STAG3: variants seen among roughly 807,000 people sequenced by gnomAD.
STAG3 encodes STAG3 cohesin complex component, also known as cohesin subunit SA-3.
STAG3 carries 101 observed loss-of-function variants against 160.7 expected under a neutral mutation model. That is an observed-to-expected ratio of 0.63 (90% confidence interval 0.54 to 0.74). The LOEUF is 0.74. STAG3 is among the 30% of genes least tolerant of loss of function. The pLI is 0.00. For synonymous variants in STAG3, 519 were observed against 585.0 expected (o/e 0.89, Z 1.63); for missense variants, 1,188 against 1,517.4 (o/e 0.78, Z 3.61).
rs35125400 is a variant in STAG3, at chr7:100,187,392, C to CT, written c.434-1048dup. Among the ~76,000 whole-genome samples, 316 of 145,922 alleles carry CT rather than the reference C, an allele frequency of 2.2e-3. 2 individuals are homozygous for CT. The highest frequency in any genetic ancestry group is 6.4e-3 in the African/African-American group (253 of 39,610). ...TTGGCAGTTTTTCACTGCTTGATTCCTTTTTTTTTTTTTGAAACAAATCCT... is the reference window on the plus strand; with the variant it reads ...TTGGCAGTTTTTCACTGCTTGATTCCTTTTTTTTTTTTTTGAAACAAATCCT... On this transcript the variant is annotated intron_variant, in intron 5 of 33. Coordinates refer to ENST00000615138, the MANE Select transcript of STAG3 (RefSeq NM_001282717.2).
downstream of STAG3, chr7:100,215,221 TTC>T (rs1176188100): frequency 6.6e-6 from 1 of 152,220 alleles, no homozygotes; most frequent in African/African-American, 2.4e-5. Flanking sequence ...TAGTGACAGG[TTC>T]TCACTGTGGT....
At chr7:100,211,315 C>T in intron 30 of STAG3, 120 bp from the exon 31 acceptor site, 1 of 1,475,936 alleles carries the variant, frequency 6.8e-7, no homozygotes, top group Non-Finnish European at 9.3e-7. Context: ...TCAAACCCTT[C>T]TCCATTGTTT....
rs192005249 is a variant in STAG3 at position 100,185,909 on chromosome 7, A to G, written c.337-291A>G. 5.9e-5 allele frequency among the ~76,000 whole-genome samples: 9 copies of G among 152,242 alleles called. No individual in the cohort carries two copies. In the East Asian group the frequency reaches 1.2e-3, roughly 20 times the overall value. On this transcript the variant is annotated intron_variant, in intron 4 of 33. Coordinates refer to ENST00000615138, the MANE Select transcript of STAG3 (RefSeq NM_001282717.2). ...TCGTCTTGGAAAAAGCTTAGGCTCTACCTCCTGTGCTCTGCATTCCATGCA... is the reference window on the plus strand; with the variant it reads ...TCGTCTTGGAAAAAGCTTAGGCTCTGCCTCCTGTGCTCTGCATTCCATGCA...
Position 100,188,858 on chromosome 7 carries a change from A to C in STAG3, c.557A>C (p.Lys186Thr). ...ATAGCTCCAGGTCCATCCTGGAAGAAGTTCCAGGGCAGCTTCTGTGAATTT... is the reference window on the plus strand; with the variant it reads ...ATAGCTCCAGGTCCATCCTGGAAGACGTTCCAGGGCAGCTTCTGTGAATTT... ...PLIAPGPSWK[K>T]FQGSFCEFVR... The change falls in exon 7 of 34, where the codon AAG becomes ACG. Residue 186 changes from lysine (K) to threonine (T), a missense_variant. Physicochemically the swap from Lys to Thr is moderately conservative, Grantham distance 78. Transcript: ENST00000615138. The C allele has an allele frequency of 1.9e-6, 3 of 1,614,158 alleles. No individual in the cohort carries two copies. The highest frequency in any genetic ancestry group is 2.5e-6 in the Non-Finnish European group (3 of 1,180,036).
rs749018546 is a variant in STAG3 at position 100,205,354 on chromosome 7, C to T, written c.3208C>T (p.Leu1070Phe). ...CACAGCAGAGACCAGCCCTCAGGTCCTCCCCAGCTCCAAGAGGAGGCGCGT... is the reference window on the plus strand; with the variant it reads ...CACAGCAGAGACCAGCCCTCAGGTCTTCCCCAGCTCCAAGAGGAGGCGCGT... ...ENTAETSPQV[L>F]PSSKRRRVEG... The change falls in exon 29 of 34, where the codon CTC becomes TTC. Residue 1070 changes from leucine (L) to phenylalanine (F), a missense_variant. Coordinates refer to ENST00000615138, the MANE Select transcript of STAG3 (RefSeq NM_001282717.2). 21 of 1,613,914 alleles carry T rather than the reference C, an allele frequency of 1.3e-5. No homozygotes were observed. The highest frequency in any genetic ancestry group is 1.7e-5 in the Non-Finnish European group (20 of 1,179,940).
chr7:100,183,575 T>C (rs942913747), intron 4 of STAG3, among the ~76,000 whole-genome samples: 2 of 152,242 alleles, frequency 1.3e-5, no homozygotes, highest in African/African-American at 4.8e-5. Context: ...AAAATAAAAA[T>C]GAAATGATTA....
downstream of STAG3, among the ~76,000 whole-genome samples, chr7:100,216,389 T>A (rs571983370): frequency 6.6e-6 from 1 of 152,366 alleles, no homozygotes; most frequent in Admixed American, 6.5e-5. Context: ...ATAAGTGTTT[T>A]AAAATATTTC....
chr7:100,178,428 T>A (rs1799414902), intron 1 of STAG3, among the ~76,000 whole-genome samples: 1 of 152,018 alleles, frequency 6.6e-6, no homozygotes, highest in South Asian at 2.1e-4. Context: ...CCTGGGGTCT[T>A]CTTGTATTTT....
rs888543000 is a variant in STAG3, at chr7:100,182,528, CT to C, written c.220-186del. ...GAGATACAGGAAGGGGACTCAAGGA[CT>C]TTTTTTTTAAGGGAAAAAAATAAAC... On this transcript the variant is annotated intron_variant, in intron 3 of 33. Coordinates refer to ENST00000615138, the MANE Select transcript of STAG3 (RefSeq NM_001282717.2). 3.8e-3 allele frequency among the ~76,000 whole-genome samples: 567 copies of C among 150,270 alleles called. 1 individual carries two copies. The highest frequency in any genetic ancestry group is 0.024 in the Middle Eastern group (7 of 292).
rs1800844967 is a variant in STAG3 at position 100,198,579 on chromosome 7, G to A, written c.1349G>A (p.Trp450Ter). 6.2e-7 allele frequency: 1 copy of A among 1,613,100 alleles called. No homozygotes were observed. The highest frequency in any genetic ancestry group is 1.3e-5 in the African/African-American group (1 of 75,018). The change falls in exon 13 of 34, where the codon TGG becomes TAG. Residue 450 changes from tryptophan to a stop codon, truncating the protein, a stop_gained. Coordinates refer to ENST00000615138, the MANE Select transcript of STAG3 (RefSeq NM_001282717.2). LOFTEE classifies it high-confidence loss of function. Reference protein sequence around the residue: ...LASAAGEFLYWKLFYPECEIR... With the variant: ...LASAAGEFLY Reference sequence around the variant, plus strand: ...TCTGCCGCAGGCGAATTTCTGTACTGGAAGTGAGTGGGGCTCCTTTTATGT... The same window carrying A: ...TCTGCCGCAGGCGAATTTCTGTACTAGAAGTGAGTGGGGCTCCTTTTATGT...
In STAG3 at chr7:100,202,556, A is replaced by T; in HGVS notation, c.2666A>T (p.Asp889Val). 6.2e-7 allele frequency: 1 copy of T among 1,614,086 alleles called. No homozygotes were observed. The highest frequency in any genetic ancestry group is 2.2e-5 in the East Asian group (1 of 44,894). ...KLLLYGVLEMDAASDVFKHYN... is the reference protein window; with the variant it reads ...KLLLYGVLEMVAASDVFKHYN... ...TTGCTTTATGGGGTGCTGGAGATGGATGCAGCCTCAGATGTTTTCAAACAC... is the reference window on the plus strand; with the variant it reads ...TTGCTTTATGGGGTGCTGGAGATGGTTGCAGCCTCAGATGTTTTCAAACAC... The change falls in exon 25 of 34, where the codon GAT becomes GTT. Residue 889 changes from aspartate to valine, a missense_variant. Physicochemically the swap from Asp to Val is radical, Grantham distance 152. Around this residue, in one of 4 missense-constraint regions of STAG3, gnomAD observed 647 missense variants for 717.2 expected, o/e 0.90. Coordinates refer to ENST00000615138, the MANE Select transcript of STAG3 (RefSeq NM_001282717.2).
intron 13 of STAG3, 58 bp downstream of exon 13, chr7:100,198,640 TCTG>T: frequency 6.6e-7 from 1 of 1,519,156 alleles, no homozygotes; most frequent in Non-Finnish European, 9.1e-7. Flanking sequence ...CTCTCCTCCA[TCTG>T]CTGCTGCCCT....
Position 100,211,841 on chromosome 7 carries a change from G to A in STAG3, c.3565G>A (p.Asp1189Asn). The A allele has an allele frequency of 6.2e-7, 1 of 1,614,086 alleles. No homozygotes were observed. The highest frequency in any genetic ancestry group is 1.1e-5 in the South Asian group (1 of 91,076). ...EDEEEELEIQ[D>N]ESNEERQDTD... ...CGAGGAAGAAGAGTTAGAAATCCAG[G>A]ATGAGTCAAATGAAGAACGGCAGGA... The change falls in exon 32 of 34, where the codon GAT (aspartate) becomes AAT (asparagine). Residue 1189 changes from aspartate to asparagine, a missense_variant. Coordinates refer to ENST00000615138, the MANE Select transcript of STAG3 (RefSeq NM_001282717.2).
At chr7:100,200,677 A>G (rs1801050896) in intron 18 of STAG3, 92 bp from the exon 19 acceptor site, 1 of 1,543,330 alleles carries the variant, frequency 6.5e-7, no homozygotes, top group African/African-American at 1.4e-5. Context: ...TTATCCTTGA[A>G]GTTTAATGCT....
rs112524836 is a variant in STAG3 at position 100,211,157 on chromosome 7, G to A, written c.3385G>A (p.Asp1129Asn). The A allele has an allele frequency of 1.9e-6, 3 of 1,545,680 alleles. No individual in the cohort carries two copies. The highest frequency in any genetic ancestry group is 1.8e-5 in the Admixed American group (1 of 55,478). ...GGGGTTGAAAGAGATGGAGGAAGAA[G>A]ATGGCTCAGAGTTGGATTTTGCCCA... ...LWGLKEMEEE[D>N]GSELDFAQGS... The change falls in exon 30 of 34, where the codon GAT becomes AAT. Residue 1129 changes from aspartate to asparagine, a missense_variant. Asp to Asn is a conservative substitution (Grantham distance 23, BLOSUM62 1). Transcript: ENST00000615138.
Position 100,201,288 on chromosome 7 carries a change from G to A in STAG3, c.2157G>A (p.Glu719=). 6.2e-7 allele frequency: 1 copy of A among 1,614,112 alleles called. No homozygotes were observed. The highest frequency in any genetic ancestry group is 1.1e-5 in the South Asian group (1 of 91,080). ...FYNTHDLTRW[E]LYEPCCQLLQ... ...GCACTCATGACCTGACTCGCTGGGA[G>A]CTCTATGAGCCATGTTGCCAACTCC... Residue 719 remains glutamate (E), a synonymous_variant, in exon 21 of 34, where the codon GAG becomes GAA. Coordinates refer to ENST00000615138, the MANE Select transcript of STAG3 (RefSeq NM_001282717.2).
intron 1 of STAG3, among the ~76,000 whole-genome samples, chr7:100,179,236 C>T (rs1178827604): frequency 6.6e-6 from 1 of 150,480 alleles, no homozygotes; most frequent in Admixed American, 6.6e-5. Flanking sequence ...TCTGAAGCTG[C>T]CCTGGTGTGT....
Position 100,205,207 on chromosome 7 carries a change from T to C in STAG3, c.3081-20T>C. 6.2e-7 allele frequency: 1 copy of C among 1,613,476 alleles called. No individual in the cohort carries two copies. Among genetic ancestry groups the C allele is most frequent in the Non-Finnish European group, 8.5e-7 (1 of 1,179,630 alleles). ...GGGCCCAGTAGCCCCTTCAGGCTTTTGGTTCTACCTCTTTCATAGACTGTC... is the reference window on the plus strand; with the variant it reads ...GGGCCCAGTAGCCCCTTCAGGCTTTCGGTTCTACCTCTTTCATAGACTGTC... On this transcript the variant is annotated intron_variant, in intron 28 of 33. Coordinates refer to ENST00000615138, the MANE Select transcript of STAG3 (RefSeq NM_001282717.2).
At chr7:100,214,679 G>C (rs1276594398), downstream of STAG3, among the ~76,000 whole-genome samples, 1 of 152,244 alleles carries the variant, frequency 6.6e-6, no homozygotes, top group African/African-American at 2.4e-5. Flanking sequence ...ACCCATGTGA[G>C]CCAGGCCAGG....
Sources: allele counts gnomAD v4.1 joint callset (sites outside exome capture counted in the v4.1 genomes callset), GRCh38; gene constraint gnomAD v4.1.1; regional missense constraint gnomAD v4.1.1; transcripts MANE v1.5; gene names NCBI Gene and HGNC (gene_info 2026-07-23, HGNC 2026-07-21).